The following TRIM24 variants were observed in gnomAD, a reference collection of about 807,000 sequenced individuals.
TRIM24 encodes the protein transcription intermediary factor 1-alpha.
TRIM24 carries 29 observed loss-of-function variants against 123.9 expected under a neutral mutation model. That is an observed-to-expected ratio of 0.23 (90% CI 0.17 to 0.32). TRIM24 has a LOEUF of 0.32. Among genes scored for constraint, TRIM24 ranks in the 10% least tolerant of loss-of-function variants. TRIM24 has a pLI of 1.00. For missense variants in TRIM24, 932 were observed against 1,295.3 expected, an observed-to-expected ratio of 0.72 and a Z score of 4.31; for synonymous variants, 456 against 461.1, an observed-to-expected ratio of 0.99 and a Z score of 0.14.
At chr7:138,547,347 A>C (rs114463006) in intron 7 of TRIM24, among the ~76,000 whole-genome samples, 1,852 of 152,328 alleles carry the variant, frequency 0.012, 41 homozygotes, top group African/African-American at 0.042. Context: ...AGAATTAATA[A>C]CACTGTGTTT....
chr7:138,491,053 G>T, intron 1 of TRIM24: 1 of 254,994 alleles, frequency 3.9e-6, no homozygotes, highest in South Asian at 4.1e-5. Flanking sequence ...ATTTTGTCCT[G>T]GAGTAAGACC....
chr7:138,539,733 C>T (rs1012872182), intron 7 of TRIM24, among the ~76,000 whole-genome samples: 6 of 151,104 alleles, frequency 4.0e-5, no homozygotes, highest in African/African-American at 1.5e-4. Context: ...ATTATAAATA[C>T]TGTAGTGTAA....
intron 10 of TRIM24, among the ~76,000 whole-genome samples, chr7:138,569,662 A>G (rs1026254215): frequency 6.6e-6 from 1 of 152,192 alleles, no homozygotes; most frequent in South Asian, 2.1e-4. Flanking sequence ...TAAAGAAGAC[A>G]TTCATGTCCA....
Position 138,570,852 on chromosome 7 carries a change from G to A in TRIM24, c.1727G>A (p.Gly576Glu), listed in dbSNP as rs1208238738. 3.7e-6 allele frequency: 6 copies of A among 1,613,946 alleles called. No homozygotes were observed. Among genetic ancestry groups the A allele is most frequent in the Non-Finnish European group, 3.4e-6 (4 of 1,179,972 alleles). ...IKQWQISSGQGTPSTTNSTSS... is the reference protein window; with the variant it reads ...IKQWQISSGQETPSTTNSTSS... Reference sequence around the variant, plus strand: ...TAGTGGCAGATCAGCAGTGGACAGGGAACCCCATCAACTACCAACAGCACA... The same window carrying A: ...TAGTGGCAGATCAGCAGTGGACAGGAAACCCCATCAACTACCAACAGCACA... The change falls in exon 11 of 19, where the codon GGA becomes GAA. Residue 576 changes from glycine to glutamate, a missense_variant. Gly to Glu is a moderately conservative substitution (Grantham distance 98, BLOSUM62 -2). Around this residue, in one of 7 missense-constraint regions of TRIM24, gnomAD observed 527 missense variants for 691.3 expected, o/e 0.76. Transcript: ENST00000343526.
In TRIM24 at chr7:138,581,699, G is replaced by A. The variant is rs941923730; in HGVS notation, c.2721G>A (p.Lys907=). Residue 907 remains lysine (K), a splice_region_variant and synonymous_variant, in exon 17 of 19, where the codon AAG becomes AAA. Coordinates refer to ENST00000343526, the MANE Select transcript of TRIM24 (RefSeq NM_015905.3). ...AGTTTTTATTTATTTTTGCTTAGAA[G>A]TGTGAGCGCCTACTTTTATTTCTTT... ...LVKLTPIDKR[K]CERLLLFLYC... is the part of the protein sequence containing the mutation. 2.5e-6 allele frequency: 4 copies of A among 1,610,736 alleles called. No homozygotes were observed. In the African/African-American group the frequency reaches 5.4e-5, roughly 22 times the overall value.
intron 1 of TRIM24, among the ~76,000 whole-genome samples, chr7:138,467,855 A>G (rs578237092): frequency 3.3e-4 from 50 of 152,062 alleles, no homozygotes; most frequent in African/African-American, 1.2e-3. Context: ...AAATACGATT[A>G]TTGGTTTCAT....
chr7:138,518,520 A>G (rs1397089900), intron 3 of TRIM24, among the ~76,000 whole-genome samples: 1 of 152,228 alleles, frequency 6.6e-6, no homozygotes, highest in Non-Finnish European at 1.5e-5. Context: ...CTGGAAAACT[A>G]GAGTGTAATA....
intron 4 of TRIM24, among the ~76,000 whole-genome samples, chr7:138,523,526 C>T (rs1228399873): frequency 1.3e-5 from 2 of 152,062 alleles, no homozygotes; most frequent in Non-Finnish European, 2.9e-5. Context: ...GAGGCCGAGG[C>T]GGGCGGATCA....
chr7:138,558,906 G>A (rs1025579277), intron 9 of TRIM24, among the ~76,000 whole-genome samples: 4 of 152,186 alleles, frequency 2.6e-5, no homozygotes, highest in East Asian at 1.9e-4. Context: ...GGCTATTAAC[G>A]GGGACCTAGA....
rs1355269270 is a variant in TRIM24 at position 138,504,306 on chromosome 7, C to T, written c.381C>T (p.Cys127=). The T allele has an allele frequency of 5.0e-6, 8 of 1,589,538 alleles. No individual in the cohort carries two copies. The East Asian group carries it at 1.8e-4, about 36-fold the overall frequency. The stretch of plus-strand genomic sequence containing the variant: ...TTTTCCCAGTTGGAGTCATTCGTTG[C>T]CCAGTTTGCAGCCAAGAATGTGCAG... The part of the protein sequence containing the change: ...PFATQVGVIR[C]PVCSQECAER... Residue 127 remains cysteine, a synonymous_variant, in exon 2 of 19, where the codon TGC becomes TGT. Coordinates refer to ENST00000343526, the MANE Select transcript of TRIM24 (RefSeq NM_015905.3).
In TRIM24 at chr7:138,507,235, G is replaced by A. The variant is rs555845077; in HGVS notation, c.483+2827G>A. On this transcript the variant is annotated intron_variant, in intron 2 of 18. Transcript: ENST00000343526. The stretch of plus-strand genomic sequence containing the variant: ...TAAAGAAACAGTTGACATAACAAAC[G>A]CCCATGGACCCATCGCCTAGATCAA... Among the ~76,000 whole-genome samples, 3 of 152,008 alleles carry A rather than the reference G, an allele frequency of 2.0e-5. 1 individual carries two copies. The highest frequency in any genetic ancestry group is 1.9e-4 in the East Asian group (1 of 5,174).
intron 2 of TRIM24, among the ~76,000 whole-genome samples, chr7:138,512,371 G>A (rs1360766091): frequency 6.6e-6 from 1 of 152,162 alleles, no homozygotes; most frequent in Admixed American, 6.5e-5. Context: ...CTCTGTGTGG[G>A]TGCTCCAGCC....
chr7:138,556,656 A>G (rs571257628), intron 9 of TRIM24, among the ~76,000 whole-genome samples: 9 of 152,362 alleles, frequency 5.9e-5, no homozygotes, highest in Admixed American at 1.3e-4. Flanking sequence ...AGTCAAGAGG[A>G]GACTGGCATA....
chr7:138,515,463 TATA>T, intron 3 of TRIM24, 104 bp downstream of exon 3: 3 of 1,339,164 alleles, frequency 2.2e-6, no homozygotes, highest in Non-Finnish European at 1.0e-6. Context: ...AAGTATTAAA[TATA>T]CTGTTTTAAG....
chr7:138,494,422 T>G (rs1795859338), intron 1 of TRIM24, among the ~76,000 whole-genome samples: 1 of 151,960 alleles, frequency 6.6e-6, no homozygotes, highest in Non-Finnish European at 1.5e-5. Context: ...CCTGGCCATG[T>G]TTCTGTTAGT....
chr7:138,584,793 G>A lies in TRIM24; in HGVS notation c.2995G>A (p.Glu999Lys), dbSNP rs554322561. 1.3e-5 allele frequency: 21 copies of A among 1,612,246 alleles called. No homozygotes were observed. The highest frequency in any genetic ancestry group is 1.4e-5 in the Non-Finnish European group (17 of 1,179,520). Residue 999 changes from glutamate to lysine, a missense_variant, in exon 19 of 19, where the codon GAA (glutamate) becomes AAA (lysine). Coordinates refer to ENST00000343526, the MANE Select transcript of TRIM24 (RefSeq NM_015905.3). ...AGIKLENYFE[E>K]LLKNLYPEKR... ...TATAAAACTTGAAAATTATTTTGAA[G>A]AACTTCTAAAGAACCTCTATCCAGA...
chr7:138,543,982 A>G (rs144733738), intron 7 of TRIM24, among the ~76,000 whole-genome samples: 1 of 152,152 alleles, frequency 6.6e-6, no homozygotes, highest in African/African-American at 2.4e-5. Context: ...CTACAGGTGC[A>G]TGCCACCATA....
chr7:138,559,398 C>CA (rs1178504811), intron 9 of TRIM24, among the ~76,000 whole-genome samples: 10 of 152,076 alleles, frequency 6.6e-5, no homozygotes, highest in Admixed American at 5.9e-4. Flanking sequence ...CCAGCAGGGA[C>CA]AAAAGAGGTC....
chr7:138,578,535 TGTG>T (rs1797816430), intron 14 of TRIM24, among the ~76,000 whole-genome samples: 1 of 33,900 alleles, frequency 2.9e-5, no homozygotes, highest in Non-Finnish European at 8.1e-5. Context: ...GGTGGTTTTG[TGTG>T]TGTGTGTGTG....
Sources: allele counts gnomAD v4.1 joint callset (sites outside exome capture counted in the v4.1 genomes callset), GRCh38; gene constraint gnomAD v4.1.1; regional missense constraint gnomAD v4.1.1; transcripts MANE v1.5; gene names NCBI Gene and HGNC (gene_info 2026-07-23, HGNC 2026-07-21).